ATP10B: variants seen among roughly 807,000 people sequenced by gnomAD.
ATP10B encodes ATPase phospholipid transporting 10B (putative).
In ATP10B, 122 loss-of-function variants were observed where a neutral mutation model predicts 141.2. The observed-to-expected ratio is 0.86, with a 90% CI of 0.75 to 1.00. ATP10B has a LOEUF of 1.00. Among genes scored for constraint, ATP10B ranks in the 50% least tolerant of loss-of-function variants. ATP10B has a pLI of 0.00. For synonymous variants in ATP10B, 685 were observed against 692.0 expected (o/e 0.99, Z 0.16); for missense variants, 1,876 against 1,825.3 (o/e 1.03, Z -0.51).
chr5:160,920,462 GCT>G, the ATP10B span, among the ~76,000 whole-genome samples: 2 of 152,218 alleles, frequency 1.3e-5, no homozygotes, highest in African/African-American at 4.8e-5. Context: ...GCATTCATGA[GCT>G]CTGACATGGT....
chr5:160,602,348 G>GTGCTT (rs1180994661), intron 21 of ATP10B, among the ~76,000 whole-genome samples: 1 of 152,200 alleles, frequency 6.6e-6, no homozygotes, highest in Non-Finnish European at 1.5e-5. Flanking sequence ...TGTGTGCCAG[G>GTGCTT]TGCTTTTCAT....
intron 6 of ATP10B, among the ~76,000 whole-genome samples, chr5:160,679,284 G>C (rs1208420420): frequency 2.0e-5 from 3 of 152,202 alleles, no homozygotes; most frequent in Non-Finnish European, 4.4e-5. Context: ...ACTTACAGAA[G>C]ACAGATGCTC....
chr5:160,603,729 T>C (rs1757225339), intron 20 of ATP10B: 1 of 511,670 alleles, frequency 2.0e-6, no homozygotes. Flanking sequence ...TCTGTTTAAA[T>C]GGGAAAATTT....
At chr5:160,830,306 C>T (rs1259544049) in intron 1 of ATP10B, among the ~76,000 whole-genome samples, 27 of 151,970 alleles carry the variant, frequency 1.8e-4, no homozygotes, top group Admixed American at 1.8e-3. Flanking sequence ...AAAATATTCC[C>T]AAATGCACTC....
chr5:160,797,152 G>A (rs1186286854), intron 1 of ATP10B, among the ~76,000 whole-genome samples: 2 of 152,050 alleles, frequency 1.3e-5, no homozygotes, highest in African/African-American at 2.4e-5. Flanking sequence ...GGCTGGGAAA[G>A]GCATCCTTGG....
chr5:160,762,470 A>T (rs1769113630), intron 2 of ATP10B, among the ~76,000 whole-genome samples: 1 of 152,212 alleles, frequency 6.6e-6, no homozygotes, highest in Admixed American at 6.5e-5. Context: ...AAGCTTTATA[A>T]ATAAAGGAGA....
chr5:160,863,150 A>C, the ATP10B span, among the ~76,000 whole-genome samples: 1 of 151,928 alleles, frequency 6.6e-6, no homozygotes, highest in Non-Finnish European at 1.5e-5. Context: ...CCATTATGGG[A>C]TGGAGTTCCT....
intron 3 of ATP10B, among the ~76,000 whole-genome samples, chr5:160,693,543 GT>G (rs1441324114): frequency 6.6e-6 from 1 of 151,902 alleles, no homozygotes; most frequent in African/African-American, 2.4e-5. Context: ...AGGTAGAGAG[GT>G]TGGGGAAGAG....
At chr5:160,913,727 T>C in the ATP10B span, among the ~76,000 whole-genome samples, 7 of 152,182 alleles carry the variant, frequency 4.6e-5, no homozygotes, top group African/African-American at 1.7e-4. Context: ...GCACTTTTTA[T>C]GGGGTTGAAA....
chr5:160,598,812 G>T lies in ATP10B; in HGVS notation c.3522C>A (p.Leu1174=). 6.2e-7 allele frequency: 1 copy of T among 1,614,180 alleles called. No homozygotes were observed. Among genetic ancestry groups the T allele is most frequent in the Non-Finnish European group, 8.5e-7 (1 of 1,180,014 alleles). The change falls in exon 22 of 26, where the codon CTC becomes CTA. Residue 1174 remains leucine (L), a synonymous_variant. Transcript: ENST00000327245. ...VLDKDISAET[L]LALPELYKSG... ...TCTTGTATAGCTCAGGCAATGCCAGGAGTGTTTCTGCAGAGATGTCTTTGT... is the reference window on the plus strand; with the variant it reads ...TCTTGTATAGCTCAGGCAATGCCAGTAGTGTTTCTGCAGAGATGTCTTTGT...
Position 160,847,677 on chromosome 5 carries a change from T to G in ATP10B, c.-576+4264A>C, listed in dbSNP as rs918406668. Reference sequence around the variant, plus strand: ...TTTGATTGAATTTTTCAGAATTTCTTATTATTGTGTCAAGTTCACTTGACA... The same window carrying G: ...TTTGATTGAATTTTTCAGAATTTCTGATTATTGTGTCAAGTTCACTTGACA... On this transcript the variant is annotated intron_variant, in intron 1 of 25. Coordinates refer to ENST00000327245, the MANE Select transcript of ATP10B (RefSeq NM_025153.3). Among the ~76,000 whole-genome samples, 6 of 152,304 alleles carry G rather than the reference T, an allele frequency of 3.9e-5. No homozygotes were observed. In the East Asian group the frequency reaches 9.7e-4, roughly 25 times the overall value.
intron 22 of ATP10B, among the ~76,000 whole-genome samples, chr5:160,597,339 C>A (rs1159940151): frequency 6.6e-6 from 1 of 152,092 alleles, no homozygotes; most frequent in East Asian, 1.9e-4. Flanking sequence ...ACTGGCTAGC[C>A]ATATGTAGAA....
intron 3 of ATP10B, among the ~76,000 whole-genome samples, chr5:160,704,985 CT>C (rs1764914709): frequency 1.6e-5 from 2 of 128,282 alleles, no homozygotes; most frequent in Non-Finnish European, 3.1e-5. Context: ...GTGGCATGAT[CT>C]CAGCTCACTG....
intron 1 of ATP10B, among the ~76,000 whole-genome samples, chr5:160,803,107 G>T (rs1772504875): frequency 6.6e-6 from 1 of 152,132 alleles, no homozygotes; most frequent in Admixed American, 6.5e-5. Flanking sequence ...GGCATGGTGG[G>T]CTTGGAACCA....
chr5:160,626,166 C>G (rs1339746898), intron 13 of ATP10B, among the ~76,000 whole-genome samples: 3 of 152,200 alleles, frequency 2.0e-5, no homozygotes, highest in Non-Finnish European at 4.4e-5. Flanking sequence ...CAGACTATTT[C>G]TCGGAAGAAA....
At chr5:160,783,606 C>T (rs1389084524) in intron 2 of ATP10B, among the ~76,000 whole-genome samples, 1 of 147,056 alleles carries the variant, frequency 6.8e-6, no homozygotes, top group Non-Finnish European at 1.5e-5. Context: ...CATACACACA[C>T]ACACCACAGT....
chr5:160,665,452 A>T (rs867776975), intron 7 of ATP10B, among the ~76,000 whole-genome samples: 1 of 152,228 alleles, frequency 6.6e-6, no homozygotes, highest in African/African-American at 2.4e-5. Flanking sequence ...CTGAAAAATA[A>T]TTCTTAGGTT....
At chr5:160,757,627 C>CT (rs1005777096) in intron 2 of ATP10B, among the ~76,000 whole-genome samples, 7 of 151,942 alleles carry the variant, frequency 4.6e-5, no homozygotes, top group Non-Finnish European at 8.8e-5. Context: ...TCTTCTGAGC[C>CT]TTTTTTTAAA....
chr5:160,894,988 A>G, the ATP10B span, among the ~76,000 whole-genome samples: 114 of 152,332 alleles, frequency 7.5e-4, 1 homozygote, highest in African/African-American at 2.6e-3. Context: ...AAAATCCTTT[A>G]CAGACAAGCA....
Sources: allele counts gnomAD v4.1 joint callset (sites outside exome capture counted in the v4.1 genomes callset), GRCh38; gene constraint gnomAD v4.1.1; transcripts MANE v1.5; gene names NCBI Gene and HGNC (gene_info 2026-07-23, HGNC 2026-07-21).